GAN: variants seen among roughly 807,000 people sequenced by gnomAD.
GAN encodes the protein epididymis secretory sperm binding protein.
GAN carries 48 observed loss-of-function variants against 71.3 expected under a neutral mutation model. That is an observed-to-expected ratio of 0.67 (90% CI 0.53 to 0.86). The LOEUF (loss-of-function observed/expected upper bound fraction) is 0.86. Ranked by LOEUF, GAN falls within the 40% of genes least tolerant of loss-of-function variation. The pLI, the probability that GAN is intolerant of heterozygous loss-of-function variation, is 0.00. For missense variants in GAN, 928 were observed against 770.1 expected (o/e 1.21, Z -2.43); for synonymous variants, 386 against 276.8 (o/e 1.39, Z -3.92).
intron 6 of GAN, 60 bp from the exon 7 acceptor site, chr16:81,363,734 T>C: frequency 1.3e-6 from 2 of 1,517,482 alleles, no homozygotes; most frequent in East Asian, 4.5e-5. Flanking sequence ...AGTGTATGAA[T>C]ATCAGCTTTC....
At chr16:81,343,870 C>G (rs1910029210) in intron 1 of GAN, among the ~76,000 whole-genome samples, 1 of 152,158 alleles carries the variant, frequency 6.6e-6, no homozygotes, top group Non-Finnish European at 1.5e-5. Context: ...TAGAAAATCC[C>G]ATCATCTCAG....
chr16:81,320,215 T>C (rs1295377219), intron 1 of GAN, among the ~76,000 whole-genome samples: 2 of 152,212 alleles, frequency 1.3e-5, no homozygotes, highest in African/African-American at 4.8e-5. Context: ...AGGATCTCTG[T>C]AGGAGGTCCA....
intron 1 of GAN, among the ~76,000 whole-genome samples, chr16:81,336,334 T>C (rs1379123075): frequency 6.6e-6 from 1 of 152,224 alleles, no homozygotes; most frequent in Non-Finnish European, 1.5e-5. Context: ...TTGGTATTTT[T>C]CCACCCACAA....
At chr16:81,363,618 G>A (rs1325874668) in intron 6 of GAN, among the ~76,000 whole-genome samples, 176 bp from the exon 7 acceptor site, 1 of 152,172 alleles carries the variant, frequency 6.6e-6, no homozygotes, top group Non-Finnish European at 1.5e-5. Context: ...ACCAAGCGTC[G>A]TACCCAATAG....
intron 3 of GAN, among the ~76,000 whole-genome samples, chr16:81,356,418 A>T (rs1051843326): frequency 6.6e-6 from 1 of 152,154 alleles, no homozygotes; most frequent in Admixed American, 6.5e-5. Flanking sequence ...ATATTTGTAT[A>T]AACATGATTT....
intron 1 of GAN, among the ~76,000 whole-genome samples, chr16:81,341,851 G>A (rs907360781): frequency 6.6e-5 from 10 of 152,150 alleles, no homozygotes; most frequent in Middle Eastern, 3.2e-3. Flanking sequence ...ATTGGATAAA[G>A]AGTCAAGACC....
chr16:81,373,850 C>G (rs1277644995), intron 9 of GAN, among the ~76,000 whole-genome samples: 3 of 152,218 alleles, frequency 2.0e-5, no homozygotes, highest in Non-Finnish European at 4.4e-5. Flanking sequence ...TCAAGTGATT[C>G]TCCTGCCTCA....
chr16:81,317,485 A>G (rs1276084441), intron 1 of GAN, among the ~76,000 whole-genome samples: 1 of 152,250 alleles, frequency 6.6e-6, no homozygotes, highest in Admixed American at 6.5e-5. Context: ...CTGTGAAGAA[A>G]TACGTAATAG....
At chr16:81,336,939 A>G (rs74398812) in intron 1 of GAN, among the ~76,000 whole-genome samples, 3,206 of 152,034 alleles carry the variant, frequency 0.021, 59 homozygotes, top group East Asian at 0.082. Flanking sequence ...ACATTGGCAC[A>G]TCATTGTCAC....
chr16:81,337,368 T>C (rs2150675832), intron 1 of GAN, among the ~76,000 whole-genome samples: 1 of 152,336 alleles, frequency 6.6e-6, no homozygotes, highest in Admixed American at 6.5e-5. Context: ...TTACATTCTC[T>C]TGCATTCTAT....
chr16:81,356,733 A>G (rs549909411), intron 3 of GAN, 52 bp from the exon 4 acceptor site: 4 of 1,184,654 alleles, frequency 3.4e-6, no homozygotes, highest in Admixed American at 3.4e-5. Flanking sequence ...TCTAAAAATG[A>G]TGTGTTGCAT....
At chr16:81,344,142 C>G (rs1910038692) in intron 1 of GAN, among the ~76,000 whole-genome samples, 1 of 152,178 alleles carries the variant, frequency 6.6e-6, no homozygotes, top group South Asian at 2.1e-4. Context: ...ACATTCCATG[C>G]TCATGGATAG....
At position 81,388,387 on chromosome 16, in the gene GAN, C is replaced by G. The variant is rs1288954302; in HGVS notation, c.*10791C>G. ...GAGCAGACCTGCATACTAGCACTTT[C>G]CACAACCAGCTGGCCCTGGCTGTGA... On this transcript the variant is annotated 3_prime_UTR_variant, in exon 11 of 11. Transcript: ENST00000648994. The G allele has an allele frequency of 6.6e-6, 1 of 152,456 alleles. No individual in the cohort carries two copies. Among genetic ancestry groups the G allele is most frequent in the African/African-American group, 2.4e-5 (1 of 41,456 alleles). The allele number at this position is 152,456 out of a possible 1,614,324, so 9.4% of individuals were successfully genotyped here.
rs200700104 is a variant in GAN at position 81,387,833 on chromosome 16, T to TA, written c.*10246dup. The TA allele has an allele frequency of 0.015, 2,188 of 150,368 alleles. 52 individuals carry two copies. Among genetic ancestry groups the TA allele is most frequent in the African/African-American group, 0.051 (2,072 of 40,908 alleles). 9.3% of individuals were successfully genotyped at this position (150,368 alleles called of 1,614,324 possible). A position where few individuals can be genotyped will look rare whatever the true frequency, so the allele number is the denominator to read the frequency against. On this transcript the variant is annotated 3_prime_UTR_variant, in exon 11 of 11. Coordinates refer to ENST00000648994, the MANE Select transcript of GAN (RefSeq NM_022041.4). ...TCTGTCTCACAAAAAAATAAAAAAT[T>TA]AAAAAAAAAGGTCTGCTCAGAAATA...
rs865974041 is a variant in GAN at position 81,318,104 on chromosome 16, C to A, written c.167+2824C>A. On this transcript the variant is annotated intron_variant, in intron 1 of 10. Coordinates refer to ENST00000648994, the MANE Select transcript of GAN (RefSeq NM_022041.4). Reference sequence around the variant, plus strand: ...TAATTTTAATACCAATAATATTGGGCTTTTATAATGTACTTGTTTGTTTGA... The same window carrying A: ...TAATTTTAATACCAATAATATTGGGATTTTATAATGTACTTGTTTGTTTGA... Among the ~76,000 whole-genome samples, 59 of 152,208 alleles carry A rather than the reference C, an allele frequency of 3.9e-4. No individual in the cohort carries two copies. In the Middle Eastern group the frequency reaches 0.01, roughly 26 times the overall value.
At chr16:81,328,211 T>A (rs1056706254) in intron 1 of GAN, among the ~76,000 whole-genome samples, 1 of 152,268 alleles carries the variant, frequency 6.6e-6, no homozygotes, top group African/African-American at 2.4e-5. Context: ...GCTTCATTTA[T>A]GTTGCCCTCA....
intron 3 of GAN, among the ~76,000 whole-genome samples, 169 bp downstream of exon 3, chr16:81,354,924 C>G (rs1213428899): frequency 6.6e-6 from 1 of 152,180 alleles, no homozygotes. Context: ...TTTTTCAGAC[C>G]AGTCTGCAAA....
rs374058309 is a variant in GAN at position 81,388,965 on chromosome 16, T to C, written c.*11369T>C. On this transcript the variant is annotated 3_prime_UTR_variant, in exon 11 of 11. Transcript: ENST00000648994. ...GCATATGCTCATTGAAATTGACTTA[T>C]GTTTTATTTTAAAAAATCATGTAGG... 2.6e-5 allele frequency: 4 copies of C among 152,240 alleles called. No individual in the cohort carries two copies. Among genetic ancestry groups the C allele is most frequent in the Admixed American group, 6.5e-5 (1 of 15,280 alleles). The allele number at this position is 152,240 out of a possible 1,614,324, so 9.4% of individuals were successfully genotyped here.
chr16:81,338,175 C>T (rs1485001191), intron 1 of GAN, among the ~76,000 whole-genome samples: 3 of 152,148 alleles, frequency 2.0e-5, no homozygotes, highest in South Asian at 2.1e-4. Context: ...TTTTATAATA[C>T]TTTCTATTGT....
Sources: gnomAD v4.1 joint callset for allele counts (sites outside exome capture counted in the v4.1 genomes callset) on GRCh38, gnomAD v4.1.1 for gene constraint, MANE v1.5 for transcripts, NCBI Gene and HGNC (gene_info 2026-07-23, HGNC 2026-07-21) for gene names.